Variants in FSTL4 observed in about 807,000 individuals in gnomAD.
FSTL4 encodes the protein follistatin like 4.
A neutral mutation model predicts 78.2 loss-of-function variants in FSTL4; 28 were observed. The observed-to-expected ratio is 0.36, with a 90% CI of 0.27 to 0.49. FSTL4 has a LOEUF of 0.49. Ranked by LOEUF, FSTL4 falls within the 20% of genes least tolerant of loss-of-function variation. The pLI is 0.98. For missense variants in FSTL4, 922 were observed against 1,084.9 expected (o/e 0.85, Z 2.11); for synonymous variants, 422 against 440.5 (o/e 0.96, Z 0.53).
chr5:133,321,099 C>A (rs1754039686), intron 4 of FSTL4, among the ~76,000 whole-genome samples: 1 of 152,100 alleles, frequency 6.6e-6, no homozygotes, highest in African/African-American at 2.4e-5. Context: ...CCCAGTCAGC[C>A]CTGCCCACCT....
rs1753774787 is a variant in FSTL4 at position 133,311,258 on chromosome 5, C to T, written c.727+1396G>A. On this transcript the variant is annotated intron_variant, in intron 6 of 15. Transcript: ENST00000265342. ...ATCTCTTTGGCCCACAAGACAAACA[C>T]CTCCGCAGCAGGATAAGCCTACCAG... 2.6e-5 allele frequency among the ~76,000 whole-genome samples: 4 copies of T among 152,122 alleles called. 1 individual carries two copies. The highest frequency in any genetic ancestry group is 4.2e-4 in the South Asian group (2 of 4,812).
chr5:133,357,088 C>T (rs763732585), intron 4 of FSTL4, among the ~76,000 whole-genome samples: 21 of 152,240 alleles, frequency 1.4e-4, no homozygotes, highest in Non-Finnish European at 2.5e-4. Context: ...CCTGGACAGA[C>T]CCCGGGCAGG....
At chr5:133,370,784 G>C (rs1755279349) in intron 4 of FSTL4, among the ~76,000 whole-genome samples, 1 of 152,148 alleles carries the variant, frequency 6.6e-6, no homozygotes, top group African/African-American at 2.4e-5. Flanking sequence ...TCAGAGCAGA[G>C]GGGGTGGTTT....
At chr5:133,453,044 T>C (rs1457536290) in intron 3 of FSTL4, among the ~76,000 whole-genome samples, 1 of 152,196 alleles carries the variant, frequency 6.6e-6, no homozygotes, top group Non-Finnish European at 1.5e-5. Flanking sequence ...CCTGTGCACA[T>C]ACAGGCTCAA....
chr5:133,722,334 A>G, the FSTL4 span, among the ~76,000 whole-genome samples: 1 of 152,156 alleles, frequency 6.6e-6, no homozygotes, highest in African/African-American at 2.4e-5. Context: ...CTGTGGAAGA[A>G]TTCTCTTCCA....
At chr5:133,629,249 G>T in the FSTL4 span, among the ~76,000 whole-genome samples, 1 of 151,960 alleles carries the variant, frequency 6.6e-6, no homozygotes, top group Non-Finnish European at 1.5e-5. Context: ...TTTGTCATTG[G>T]TTCTGTTCAT....
intron 3 of FSTL4, among the ~76,000 whole-genome samples, chr5:133,536,552 TA>T (rs1465595790): frequency 6.6e-6 from 1 of 152,086 alleles, no homozygotes; most frequent in Non-Finnish European, 1.5e-5. Flanking sequence ...AAAATTTCTT[TA>T]AAATTATTTA....
intron 4 of FSTL4, among the ~76,000 whole-genome samples, chr5:133,395,253 G>A (rs377242456): frequency 5.9e-5 from 9 of 152,112 alleles, no homozygotes; most frequent in African/African-American, 1.9e-4. Context: ...CTTTGGGTCC[G>A]CACTGCCTTA....
the FSTL4 span, among the ~76,000 whole-genome samples, chr5:133,813,475 G>T: frequency 6.6e-6 from 1 of 152,148 alleles, no homozygotes; most frequent in African/African-American, 2.4e-5. Context: ...TGCGGCTAAT[G>T]GCTGCTATAT....
At chr5:133,662,461 A>T in the FSTL4 span, among the ~76,000 whole-genome samples, 3 of 152,190 alleles carry the variant, frequency 2.0e-5, no homozygotes, top group African/African-American at 7.2e-5. Context: ...CAACCCTAGC[A>T]TACAGACCCC....
intron 6 of FSTL4, among the ~76,000 whole-genome samples, chr5:133,306,337 G>A (rs963813302): frequency 6.6e-6 from 1 of 152,220 alleles, no homozygotes; most frequent in Non-Finnish European, 1.5e-5. Context: ...CGTGGCTGCC[G>A]GAGGTAAAGG....
intron 3 of FSTL4, among the ~76,000 whole-genome samples, chr5:133,409,585 G>T (rs1756438299): frequency 6.6e-6 from 1 of 152,216 alleles, no homozygotes; most frequent in African/African-American, 2.4e-5. Flanking sequence ...CCGAGGCAGG[G>T]CCCCAGCAGC....
In FSTL4 at chr5:133,450,672, C is replaced by T. The variant is rs1027804652; in HGVS notation, c.161-49686G>A. On this transcript the variant is annotated intron_variant, in intron 3 of 15. Coordinates refer to ENST00000265342, the MANE Select transcript of FSTL4 (RefSeq NM_015082.2). ...AGTGCAGCTGTCCTGAGCGGAACGC[C>T]ATTAACTCCATTACAACAGGAGATG... is the stretch of plus-strand genomic sequence containing the variant. Among the ~76,000 whole-genome samples the T allele has an allele frequency of 1.5e-4, 23 of 152,224 alleles. 1 individual carries two copies. The highest frequency in any genetic ancestry group is 5.2e-4 in the Admixed American group (8 of 15,290).
chr5:133,750,249 C>T, the FSTL4 span, among the ~76,000 whole-genome samples: 3 of 152,280 alleles, frequency 2.0e-5, no homozygotes, highest in East Asian at 5.8e-4. Flanking sequence ...CTACTATCTA[C>T]GAAATCCAGG....
At chr5:133,459,229 A>T (rs1370146014) in intron 3 of FSTL4, among the ~76,000 whole-genome samples, 1 of 152,082 alleles carries the variant, frequency 6.6e-6, no homozygotes, top group Non-Finnish European at 1.5e-5. Context: ...GAGGCTAAAA[A>T]CAAAGAGCAA....
the FSTL4 span, among the ~76,000 whole-genome samples, chr5:133,689,663 T>C: frequency 1.3e-5 from 2 of 152,184 alleles, no homozygotes; most frequent in African/African-American, 4.8e-5. Context: ...TCCTGTCCTT[T>C]TGACCCTGCC....
Position 133,334,493 on chromosome 5 carries a change from C to T in FSTL4, c.410-17841G>A, listed in dbSNP as rs144068238. Among the ~76,000 whole-genome samples, 232 of 152,158 alleles carry T rather than the reference C, an allele frequency of 1.5e-3. 1 individual carries two copies. The highest frequency in any genetic ancestry group is 5.2e-3 in the African/African-American group (216 of 41,512). On this transcript the variant is annotated intron_variant, in intron 4 of 15. Coordinates refer to ENST00000265342, the MANE Select transcript of FSTL4 (RefSeq NM_015082.2). Reference sequence around the variant, plus strand: ...CTGGAATAGAGCATGGTGTGGGGTGCGTCTGGGCACTGGTAAGATTCTGTC... The same window carrying T: ...CTGGAATAGAGCATGGTGTGGGGTGTGTCTGGGCACTGGTAAGATTCTGTC...
the FSTL4 span, among the ~76,000 whole-genome samples, chr5:133,782,516 G>A: frequency 3.3e-5 from 5 of 152,170 alleles, no homozygotes; most frequent in East Asian, 1.9e-4. Context: ...ACGACTGGTC[G>A]GCCACAGGCA....
At chr5:133,345,061 C>T (rs557964702) in intron 4 of FSTL4, among the ~76,000 whole-genome samples, 4 of 151,796 alleles carry the variant, frequency 2.6e-5, no homozygotes, top group Admixed American at 6.5e-5. Flanking sequence ...CTCCGCCTCC[C>T]GGGTTCACGC....
Sources: gnomAD v4.1 joint callset for allele counts (sites outside exome capture counted in the v4.1 genomes callset) on GRCh38, gnomAD v4.1.1 for gene constraint, MANE v1.5 for transcripts, NCBI Gene and HGNC (gene_info 2026-07-23, HGNC 2026-07-21) for gene names.